Variants in KCNIP4 observed in about 807,000 individuals in gnomAD.
The protein encoded by KCNIP4 is potassium voltage-gated channel interacting protein 4, also known as Kv channel-interacting protein 4.
In KCNIP4, 12 loss-of-function variants were observed where a neutral mutation model predicts 34.0. The observed-to-expected ratio is 0.35, with a 90% CI of 0.23 to 0.57. The LOEUF is 0.57. Among genes scored for constraint, KCNIP4 ranks in the 20% least tolerant of loss-of-function variants. The pLI is 0.83. For synonymous variants in KCNIP4, 124 were observed against 102.2 expected (o/e 1.21, Z -1.29); for missense variants, 238 against 311.7 (o/e 0.76, Z 1.78).
chr4:21,122,457 GTTTT>G (rs10553440), intron 1 of KCNIP4, among the ~76,000 whole-genome samples: 32 of 126,386 alleles, frequency 2.5e-4, no homozygotes, highest in African/African-American at 6.0e-4. Flanking sequence ...TGCAGATCAA[GTTTT>G]TTTTTTTTTT....
intron 1 of KCNIP4, among the ~76,000 whole-genome samples, chr4:21,815,960 G>T (rs961337113): frequency 2.6e-5 from 4 of 152,122 alleles, no homozygotes; most frequent in Non-Finnish European, 5.9e-5. Flanking sequence ...AATAAAAAAA[G>T]TTCAATTTCA....
chr4:20,956,490 G>C (rs1387018998), intron 1 of KCNIP4, among the ~76,000 whole-genome samples: 2 of 136,476 alleles, frequency 1.5e-5, no homozygotes, highest in Non-Finnish European at 1.5e-5. Flanking sequence ...GGGCGACAGT[G>C]CAAGACTTCC....
intron 6 of KCNIP4, among the ~76,000 whole-genome samples, chr4:20,733,243 AG>A (rs1327442725): frequency 6.6e-6 from 1 of 152,172 alleles, no homozygotes; most frequent in Non-Finnish European, 1.5e-5. Context: ...AAGGTTCATT[AG>A]GGTTTTTGTT....
intron 1 of KCNIP4, among the ~76,000 whole-genome samples, chr4:21,063,932 C>A (rs1208639584): frequency 6.6e-6 from 1 of 151,882 alleles, no homozygotes; most frequent in Non-Finnish European, 1.5e-5. Flanking sequence ...TCCGAGTGTC[C>A]ATGTCAAGGA....
At chr4:21,803,250 C>T (rs1721106292) in intron 1 of KCNIP4, among the ~76,000 whole-genome samples, 1 of 152,124 alleles carries the variant, frequency 6.6e-6, no homozygotes, top group Non-Finnish European at 1.5e-5. Context: ...TGATCCTAAT[C>T]CATTATACAG....
At chr4:21,603,560 C>A (rs1484566219) in intron 1 of KCNIP4, among the ~76,000 whole-genome samples, 1 of 152,038 alleles carries the variant, frequency 6.6e-6, no homozygotes, top group Non-Finnish European at 1.5e-5. Flanking sequence ...TATTTTGAAG[C>A]CCACAATATC....
At chr4:21,295,428 G>T (rs1266203945) in intron 1 of KCNIP4, among the ~76,000 whole-genome samples, 2 of 152,114 alleles carry the variant, frequency 1.3e-5, no homozygotes, top group African/African-American at 2.4e-5. Flanking sequence ...TGGCTTTCCA[G>T]TAACAAACAG....
At chr4:21,569,973 G>A (rs1397388646) in intron 1 of KCNIP4, among the ~76,000 whole-genome samples, 4 of 152,028 alleles carry the variant, frequency 2.6e-5, no homozygotes, top group African/African-American at 7.2e-5. Flanking sequence ...GGTGGGCTAT[G>A]TGGTACTCCC....
At chr4:21,726,905 G>A (rs182415860) in intron 1 of KCNIP4, among the ~76,000 whole-genome samples, 1 of 152,124 alleles carries the variant, frequency 6.6e-6, no homozygotes, top group Non-Finnish European at 1.5e-5. Context: ...ATTTGGGAAA[G>A]TAGATTCTTC....
At position 21,250,667 on chromosome 4, in the gene KCNIP4, C is replaced by T. The variant is rs940418357; in HGVS notation, c.62-367958G>A. ...AACAGATTTTCATGTTATTGGCTGGCGATTTTATGGGATGGAGGATTTAAC... is the reference window on the plus strand; with the variant it reads ...AACAGATTTTCATGTTATTGGCTGGTGATTTTATGGGATGGAGGATTTAAC... On this transcript the variant is annotated intron_variant, in intron 1 of 8. Coordinates refer to ENST00000382152, the MANE Select transcript of KCNIP4 (RefSeq NM_025221.6). 8.6e-5 allele frequency among the ~76,000 whole-genome samples: 13 copies of T among 151,602 alleles called. No individual in the cohort carries two copies. The East Asian group carries it at 1.5e-3, about 18-fold the overall frequency.
intron 1 of KCNIP4, among the ~76,000 whole-genome samples, chr4:21,000,877 C>A (rs1045698832): frequency 1.3e-5 from 2 of 152,170 alleles, no homozygotes; most frequent in African/African-American, 4.8e-5. Context: ...CTTCCTAGAC[C>A]TTAGTAAGTA....
intron 1 of KCNIP4, among the ~76,000 whole-genome samples, chr4:21,345,786 T>G (rs1333515113): frequency 6.6e-6 from 1 of 151,992 alleles, no homozygotes; most frequent in East Asian, 1.9e-4. Flanking sequence ...AACCATCTCC[T>G]TAAAAATATG....
At chr4:21,787,748 A>T (rs925222587) in intron 1 of KCNIP4, among the ~76,000 whole-genome samples, 4 of 152,096 alleles carry the variant, frequency 2.6e-5, no homozygotes, top group Non-Finnish European at 4.4e-5. Context: ...TAAAAACTAA[A>T]TTTTTTTAAA....
chr4:20,799,061 G>T (rs942598421), intron 3 of KCNIP4, among the ~76,000 whole-genome samples: 11 of 152,164 alleles, frequency 7.2e-5, no homozygotes, highest in African/African-American at 2.7e-4. Context: ...CTGAGAGTTT[G>T]CTGCTATTGC....
intron 1 of KCNIP4, among the ~76,000 whole-genome samples, chr4:21,068,484 C>T (rs1744609380): frequency 6.6e-6 from 1 of 152,140 alleles, no homozygotes; most frequent in Non-Finnish European, 1.5e-5. Flanking sequence ...TCTCTCTTCA[C>T]TCATGAATTT....
chr4:21,732,399 C>A (rs10002474), intron 1 of KCNIP4, among the ~76,000 whole-genome samples: 2,024 of 152,156 alleles, frequency 0.013, 38 homozygotes, highest in African/African-American at 0.046. Flanking sequence ...GTTCAATTCC[C>A]GAGAAGTGAG....
intron 1 of KCNIP4, among the ~76,000 whole-genome samples, chr4:21,341,362 C>T (rs1204724087): frequency 6.6e-6 from 1 of 152,080 alleles, no homozygotes; most frequent in Non-Finnish European, 1.5e-5. Flanking sequence ...TGTTTGCTTC[C>T]CTTACATAAG....
intron 1 of KCNIP4, among the ~76,000 whole-genome samples, chr4:21,525,463 G>T (rs358833): frequency 0.01 from 1,552 of 152,070 alleles, 33 homozygotes; most frequent in African/African-American, 0.035. Context: ...TGAACTTCAG[G>T]CAAAATACTC....
intron 1 of KCNIP4, among the ~76,000 whole-genome samples, chr4:21,770,872 A>T (rs766238417): frequency 4.3e-4 from 65 of 151,854 alleles, no homozygotes; most frequent in Non-Finnish European, 9.1e-4. Context: ...GATTGCAAAA[A>T]TTTTCTCCCA....
Sources: allele counts gnomAD v4.1 joint callset (sites outside exome capture counted in the v4.1 genomes callset), GRCh38; gene constraint gnomAD v4.1.1; transcripts MANE v1.5; gene names NCBI Gene and HGNC (gene_info 2026-07-23, HGNC 2026-07-21).